Variants in ZDHHC14 observed in about 807,000 individuals in gnomAD.
ZDHHC14 encodes the protein palmitoyltransferase ZDHHC14.
A neutral mutation model predicts 47.7 loss-of-function variants in ZDHHC14; 16 were observed. The observed-to-expected ratio is 0.34, with a 90% CI of 0.23 to 0.51. ZDHHC14 has a LOEUF of 0.51. Among genes scored for constraint, ZDHHC14 ranks in the 20% least tolerant of loss-of-function variants. The pLI is 0.97. For missense variants in ZDHHC14, 515 were observed against 662.5 expected (o/e 0.78, Z 2.44); for synonymous variants, 293 against 278.9 (o/e 1.05, Z -0.50).
intron 2 of ZDHHC14, among the ~76,000 whole-genome samples, chr6:157,545,375 T>TA (rs111647169): frequency 0.12 from 18,446 of 148,344 alleles, 1,287 homozygotes; most frequent in African/African-American, 0.19. Context: ...TATGAAGATG[T>TA]AAAAAAAAAA....
intron 7 of ZDHHC14, among the ~76,000 whole-genome samples, chr6:157,653,062 T>C (rs1295438676): frequency 1.3e-5 from 2 of 152,254 alleles, no homozygotes; most frequent in East Asian, 3.9e-4. Context: ...GCAGAGTGCA[T>C]GCTGGCGGGG....
chr6:157,651,331 C>T (rs563225883), intron 7 of ZDHHC14, among the ~76,000 whole-genome samples: 10 of 152,304 alleles, frequency 6.6e-5, no homozygotes, highest in Admixed American at 2.6e-4. Context: ...CCTCTGTCGG[C>T]CCATGGTGTT....
At chr6:157,592,254 G>T (rs1374750397) in intron 2 of ZDHHC14, among the ~76,000 whole-genome samples, 1 of 151,826 alleles carries the variant, frequency 6.6e-6, no homozygotes, top group African/African-American at 2.4e-5. Context: ...AAAACTCCAC[G>T]TTTGTATTGT....
intron 1 of ZDHHC14, among the ~76,000 whole-genome samples, chr6:157,535,369 C>T (rs1385227081): frequency 2.0e-5 from 3 of 152,190 alleles, no homozygotes; most frequent in African/African-American, 7.2e-5. Flanking sequence ...GGGTGACCTT[C>T]ACCTTCCTCC....
chr6:157,590,650 C>G (rs1017045833), intron 2 of ZDHHC14, among the ~76,000 whole-genome samples: 2 of 152,224 alleles, frequency 1.3e-5, no homozygotes, highest in Admixed American at 6.5e-5. Context: ...TCTGTTAGGG[C>G]AGTGCAGAAG....
At chr6:157,519,523 G>T (rs1322962896) in intron 1 of ZDHHC14, among the ~76,000 whole-genome samples, 6 of 152,180 alleles carry the variant, frequency 3.9e-5, no homozygotes, top group African/African-American at 1.4e-4. Context: ...TTTTCTAAAA[G>T]GTGCCGTCTT....
intron 3 of ZDHHC14, among the ~76,000 whole-genome samples, chr6:157,612,037 T>G (rs533587464): frequency 6.7e-6 from 1 of 148,336 alleles, no homozygotes; most frequent in South Asian, 2.1e-4. Context: ...CTTTCCCCAG[T>G]GACCCCCCAC....
chr6:157,588,595 C>G (rs1445609217), intron 2 of ZDHHC14, among the ~76,000 whole-genome samples: 1 of 152,234 alleles, frequency 6.6e-6, no homozygotes, highest in Admixed American at 6.5e-5. Flanking sequence ...AATGGCACAG[C>G]TCTCCAGATA....
chr6:157,466,784 C>G (rs189160610), intron 1 of ZDHHC14, among the ~76,000 whole-genome samples: 2 of 151,226 alleles, frequency 1.3e-5, no homozygotes, highest in African/African-American at 4.9e-5. Context: ...GCTCGTGAGC[C>G]GAGATCACAC....
At chr6:157,472,039 C>A (rs1458655744) in intron 1 of ZDHHC14, among the ~76,000 whole-genome samples, 3 of 152,166 alleles carry the variant, frequency 2.0e-5, no homozygotes, top group Admixed American at 2.0e-4. Flanking sequence ...GAAGAGCAGT[C>A]CTGGCACCCC....
Position 157,506,640 on chromosome 6 carries a change from G to A in ZDHHC14, c.246-35945G>A, listed in dbSNP as rs35288712. ...GTTTATTTATTAATTTGCTTCTGCT[G>A]TTGTATATTAGGTATACAACTTAGG... On this transcript the variant is annotated intron_variant, in intron 1 of 8. Transcript: ENST00000359775. 2.5e-3 allele frequency among the ~76,000 whole-genome samples: 387 copies of A among 152,310 alleles called. 1 individual carries two copies. Among genetic ancestry groups the A allele is most frequent in the Non-Finnish European group, 4.1e-3 (280 of 68,034 alleles).
At chr6:157,438,070 G>C (rs1032028782) in intron 1 of ZDHHC14, among the ~76,000 whole-genome samples, 30 of 152,028 alleles carry the variant, frequency 2.0e-4, no homozygotes, top group Middle Eastern at 3.4e-3. Context: ...CATTTTAACT[G>C]TACAGTTCAG....
At chr6:157,624,603 G>T (rs951545913) in intron 3 of ZDHHC14, among the ~76,000 whole-genome samples, 1 of 152,188 alleles carries the variant, frequency 6.6e-6, no homozygotes, top group Admixed American at 6.5e-5. Flanking sequence ...CTCAGTAAAG[G>T]CAGTGTAGCA....
At chr6:157,447,859 C>T (rs1416103800) in intron 1 of ZDHHC14, among the ~76,000 whole-genome samples, 2 of 152,070 alleles carry the variant, frequency 1.3e-5, no homozygotes, top group African/African-American at 2.4e-5. Flanking sequence ...CTCTTGTCAG[C>T]GGTGTTTAAA....
At chr6:157,661,834 AT>A (rs1412701548) in intron 8 of ZDHHC14, among the ~76,000 whole-genome samples, 3 of 152,006 alleles carry the variant, frequency 2.0e-5, no homozygotes, top group African/African-American at 7.2e-5. Flanking sequence ...TTTTTGTTTT[AT>A]TTTTTTGAGA....
Position 157,382,238 on chromosome 6 carries a change from G to T in ZDHHC14, c.217G>T (p.Val73Phe). ...VFYLTLVLIL[V>F]TSGLFFAFDC... Reference sequence around the variant, plus strand: ...CTACCTGACGCTCGTCCTCATCCTGGTCACTAGCGGACTCTTCTTCGCCTT... The same window carrying T: ...CTACCTGACGCTCGTCCTCATCCTGTTCACTAGCGGACTCTTCTTCGCCTT... The change falls in exon 1 of 9, where the codon GTC becomes TTC. Residue 73 changes from valine to phenylalanine, a missense_variant. By Grantham distance (50) the Val-to-Phe change is conservative. Around this residue, in one of 4 missense-constraint regions of ZDHHC14, gnomAD observed 229 missense variants for 351.5 expected, o/e 0.65. Coordinates refer to ENST00000359775, the MANE Select transcript of ZDHHC14 (RefSeq NM_024630.3). 2 of 1,611,614 alleles carry T rather than the reference G, an allele frequency of 1.2e-6. No individual in the cohort carries two copies. Among genetic ancestry groups the T allele is most frequent in the Non-Finnish European group, 1.7e-6 (2 of 1,178,890 alleles).
intron 8 of ZDHHC14, among the ~76,000 whole-genome samples, chr6:157,670,143 C>T (rs966459359): frequency 6.6e-6 from 1 of 152,220 alleles, no homozygotes; most frequent in African/African-American, 2.4e-5. Flanking sequence ...AAGGGACCTG[C>T]ACCCTGAGCT....
Position 157,501,262 on chromosome 6 carries a change from C to G in ZDHHC14, c.246-41323C>G, listed in dbSNP as rs776802285. ...CAAGTCTGTTTATCACATTTTTCCC[C>G]TGTAAAAATAATTTGACATACTTTA... On this transcript the variant is annotated intron_variant, in intron 1 of 8. Coordinates refer to ENST00000359775, the MANE Select transcript of ZDHHC14 (RefSeq NM_024630.3). Among the ~76,000 whole-genome samples the G allele has an allele frequency of 4.5e-4, 68 of 151,964 alleles. 1 individual carries two copies. The highest frequency in any genetic ancestry group is 2.9e-4 in the Non-Finnish European group (20 of 68,014).
intron 1 of ZDHHC14, among the ~76,000 whole-genome samples, chr6:157,441,425 A>T (rs1778558397): frequency 6.6e-6 from 1 of 152,232 alleles, no homozygotes; most frequent in Admixed American, 6.5e-5. Context: ...GAAGTGTTAG[A>T]TTGGCAGATG....
Sources: allele counts gnomAD v4.1 joint callset (sites outside exome capture counted in the v4.1 genomes callset), GRCh38; gene constraint gnomAD v4.1.1; regional missense constraint gnomAD v4.1.1; transcripts MANE v1.5; gene names NCBI Gene and HGNC (gene_info 2026-07-23, HGNC 2026-07-21).